XYLT1: variants seen among roughly 807,000 people sequenced by gnomAD.
XYLT1 encodes the protein xylosyltransferase 1.
A neutral mutation model predicts 91.3 loss-of-function variants in XYLT1; 36 were observed. The ratio of observed to expected loss-of-function variants is 0.39; its 90% CI spans 0.30 to 0.52. The LOEUF (loss-of-function observed/expected upper bound fraction) is 0.52. XYLT1 is among the 20% of genes least tolerant of loss of function. XYLT1 has a pLI of 0.68. For synonymous variants in XYLT1, 588 were observed against 532.0 expected, an observed-to-expected ratio of 1.11 and a Z score of -1.45; for missense variants, 1,242 against 1,284.5, an observed-to-expected ratio of 0.97 and a Z score of 0.51.
intron 2 of XYLT1, among the ~76,000 whole-genome samples, chr16:17,285,874 C>CTGTGTGTGTGTGTG (rs56267931): frequency 6.2e-5 from 9 of 145,262 alleles, no homozygotes; most frequent in South Asian, 4.7e-4. Flanking sequence ...TGGTGTATCT[C>CTGTGTGTGTGTGTG]TGTGTGTGTG....
rs536934380 is a variant in XYLT1, at chr16:17,408,306, C to T, written c.364-50256G>A. On this transcript the variant is annotated intron_variant, in intron 1 of 11. Coordinates refer to ENST00000261381, the MANE Select transcript of XYLT1 (RefSeq NM_022166.4). ...TTGGTAAGCAATCATTGAGTGTGAACATATTATAAATTCTCATGAAATCTA... is the reference window on the plus strand; with the variant it reads ...TTGGTAAGCAATCATTGAGTGTGAATATATTATAAATTCTCATGAAATCTA... 1.9e-4 allele frequency among the ~76,000 whole-genome samples: 29 copies of T among 152,258 alleles called. No individual in the cohort carries two copies. In the South Asian group the frequency reaches 5.0e-3, roughly 26 times the overall value.
At chr16:17,261,217 T>TG (rs2033717309) in intron 2 of XYLT1, among the ~76,000 whole-genome samples, 2 of 115,524 alleles carry the variant, frequency 1.7e-5, no homozygotes, top group African/African-American at 6.8e-5. Context: ...TATTCCAGCC[T>TG]GGGGGGAGAG....
intron 3 of XYLT1, among the ~76,000 whole-genome samples, chr16:17,216,974 T>C (rs769180743): frequency 1.4e-4 from 22 of 152,254 alleles, no homozygotes; most frequent in Non-Finnish European, 2.6e-4. Flanking sequence ...GGATGGTGTT[T>C]CATTTACTTG....
chr16:17,125,429 T>C (rs1188327863), intron 10 of XYLT1, among the ~76,000 whole-genome samples: 2 of 152,166 alleles, frequency 1.3e-5, no homozygotes, highest in Non-Finnish European at 2.9e-5. Context: ...GACTACTCCC[T>C]GAGGCCTCTT....
chr16:17,297,282 T>A (rs1053757338), intron 2 of XYLT1, among the ~76,000 whole-genome samples: 1 of 152,122 alleles, frequency 6.6e-6, no homozygotes, highest in Non-Finnish European at 1.5e-5. Context: ...ATAATATATA[T>A]CAGCACGGGT....
intron 3 of XYLT1, among the ~76,000 whole-genome samples, chr16:17,208,366 A>G (rs2032695970): frequency 6.6e-6 from 1 of 152,150 alleles, no homozygotes; most frequent in Non-Finnish European, 1.5e-5. Context: ...TTGTAGTCCA[A>G]GATAATACAT....
chr16:17,269,104 T>C (rs1033729915), intron 2 of XYLT1, among the ~76,000 whole-genome samples: 26 of 152,234 alleles, frequency 1.7e-4, no homozygotes, highest in African/African-American at 5.5e-4. Flanking sequence ...GCCCCCTTTT[T>C]CTACTGGGCC....
At chr16:17,123,490 C>T (rs891993063) in intron 10 of XYLT1, among the ~76,000 whole-genome samples, 9 of 152,114 alleles carry the variant, frequency 5.9e-5, no homozygotes, top group African/African-American at 2.2e-4. Flanking sequence ...TTTGGGGGTT[C>T]CTTTTGGAGT....
chr16:17,359,799 C>A (rs1286207770), intron 1 of XYLT1, among the ~76,000 whole-genome samples: 2 of 152,192 alleles, frequency 1.3e-5, no homozygotes, highest in Non-Finnish European at 2.9e-5. Context: ...GAAGAAGTGG[C>A]AGCTAGGATT....
intron 1 of XYLT1, among the ~76,000 whole-genome samples, chr16:17,403,087 C>T (rs7404578): frequency 0.15 from 23,466 of 152,160 alleles, 1,884 homozygotes; most frequent in Non-Finnish European, 0.19. Context: ...AATATGAAGA[C>T]GATACACAGA....
intron 1 of XYLT1, among the ~76,000 whole-genome samples, chr16:17,466,101 C>T (rs1596561852): frequency 6.6e-6 from 1 of 152,162 alleles, no homozygotes; most frequent in South Asian, 2.1e-4. Context: ...TTGTTAAGAT[C>T]GAGTTTGTTT....
At chr16:17,456,038 A>G (rs913282652) in intron 1 of XYLT1, among the ~76,000 whole-genome samples, 57 of 152,298 alleles carry the variant, frequency 3.7e-4, no homozygotes, top group African/African-American at 1.3e-3. Flanking sequence ...TCAAAATATT[A>G]CGTGTCAGGT....
intron 8 of XYLT1, 163 bp downstream of exon 8, chr16:17,138,192 A>T: frequency 2.6e-6 from 2 of 778,138 alleles, no homozygotes; most frequent in Non-Finnish European, 3.9e-6. Context: ...TAAGTGCTCA[A>T]TAAACACTGG....
chr16:17,444,511 TC>T (rs1285026057), intron 1 of XYLT1, among the ~76,000 whole-genome samples: 46 of 87,804 alleles, frequency 5.2e-4, no homozygotes, highest in African/African-American at 2.9e-3. Context: ...AACTTCTTCT[TC>T]TTTTTTTTTT....
intron 1 of XYLT1, among the ~76,000 whole-genome samples, chr16:17,399,471 T>C (rs2035935687): frequency 6.6e-6 from 1 of 152,130 alleles, no homozygotes; most frequent in South Asian, 2.1e-4. Context: ...AACAGAAAAC[T>C]CAATTTATTT....
intron 2 of XYLT1, among the ~76,000 whole-genome samples, chr16:17,356,503 A>G (rs2035297317): frequency 2.0e-5 from 3 of 152,096 alleles, no homozygotes; most frequent in Non-Finnish European, 4.4e-5. Context: ...AACTGTGAAG[A>G]TCTGCTGGCC....
intron 1 of XYLT1, among the ~76,000 whole-genome samples, chr16:17,366,860 T>C (rs2035462055): frequency 1.3e-5 from 2 of 152,146 alleles, no homozygotes; most frequent in African/African-American, 2.4e-5. Flanking sequence ...GGGCATCCTT[T>C]TGGACCACTA....
chr16:17,405,598 G>A (rs376463626), intron 1 of XYLT1, among the ~76,000 whole-genome samples: 44 of 152,268 alleles, frequency 2.9e-4, no homozygotes, highest in African/African-American at 9.6e-4. Flanking sequence ...GTGGTCAGCC[G>A]AGCCAGTCTG....
chr16:17,124,859 C>T (rs1302674492), intron 10 of XYLT1, among the ~76,000 whole-genome samples: 1 of 152,072 alleles, frequency 6.6e-6, no homozygotes, highest in Non-Finnish European at 1.5e-5. Flanking sequence ...TTCTGAAGTT[C>T]TTTCTTTTAC....
Sources: gnomAD v4.1 joint callset for allele counts (sites outside exome capture counted in the v4.1 genomes callset) on GRCh38, gnomAD v4.1.1 for gene constraint, MANE v1.5 for transcripts, NCBI Gene and HGNC (gene_info 2026-07-23, HGNC 2026-07-21) for gene names.